The following CDH13 variants were observed in gnomAD, a reference collection of about 807,000 sequenced individuals.
CDH13 encodes cadherin-13.
A neutral mutation model predicts 63.8 loss-of-function variants in CDH13; 24 were observed. The ratio of observed to expected loss-of-function variants is 0.38; its 90% confidence interval spans 0.27 to 0.53. The LOEUF (loss-of-function observed/expected upper bound fraction) is 0.53. Among genes scored for constraint, CDH13 ranks in the 20% least tolerant of loss-of-function variants. The probability of loss-of-function intolerance (pLI) is 0.85; values close to 1 mark genes in which losing one functional copy is unlikely to be tolerated. For missense variants in CDH13, 1,049 were observed against 903.1 expected, an observed-to-expected ratio of 1.16 and a Z score of -2.07; for synonymous variants, 503 against 355.3, an observed-to-expected ratio of 1.42 and a Z score of -4.67.
At chr16:82,886,809 C>T (rs922833391) in intron 2 of CDH13, among the ~76,000 whole-genome samples, 2 of 152,104 alleles carry the variant, frequency 1.3e-5, no homozygotes, top group African/African-American at 2.4e-5. Flanking sequence ...CCAAGTGACT[C>T]GGAAGTTGCT....
intron 5 of CDH13, among the ~76,000 whole-genome samples, chr16:83,225,664 C>G (rs1286901741): frequency 3.9e-5 from 6 of 152,106 alleles, no homozygotes; most frequent in Admixed American, 3.9e-4. Flanking sequence ...CTTTGTTGCC[C>G]TTAGAATCAT....
intron 2 of CDH13, among the ~76,000 whole-genome samples, chr16:83,019,520 G>T (rs1915139654): frequency 6.9e-6 from 1 of 144,454 alleles, no homozygotes; most frequent in South Asian, 2.2e-4. Flanking sequence ...TTTTGAGACA[G>T]GGTCTCGCTC....
intron 7 of CDH13, among the ~76,000 whole-genome samples, chr16:83,487,017 G>T (rs1288183461): frequency 6.6e-6 from 1 of 152,124 alleles, no homozygotes; most frequent in East Asian, 1.9e-4. Context: ...GAGGAGAGGT[G>T]GCTTCATCCA....
At chr16:82,713,081 G>A (rs1297878511) in intron 1 of CDH13, among the ~76,000 whole-genome samples, 1 of 151,412 alleles carries the variant, frequency 6.6e-6, no homozygotes, top group Non-Finnish European at 1.5e-5. Context: ...GTGTGTTTAG[G>A]GAAGGCAAAG....
chr16:83,441,978 G>C lies in CDH13; in HGVS notation c.782-44499G>C, dbSNP rs910799779. ...TCTATAAGGAGGCTGGGATTGAGAG[G>C]GTTTGAATGATTTGGCCCAGGTCAC... On this transcript the variant is annotated intron_variant, in intron 6 of 13. Coordinates refer to ENST00000567109, the MANE Select transcript of CDH13 (RefSeq NM_001257.5). Among the ~76,000 whole-genome samples the C allele has an allele frequency of 7.2e-5, 11 of 152,126 alleles. No individual in the cohort carries two copies. The East Asian group carries it at 2.1e-3, about 29-fold the overall frequency.
chr16:83,084,787 C>T (rs528539234), intron 3 of CDH13, among the ~76,000 whole-genome samples: 1 of 152,316 alleles, frequency 6.6e-6, no homozygotes, highest in South Asian at 2.1e-4. Flanking sequence ...ACTCAGGAGG[C>T]TGAGGCAGGA....
intron 1 of CDH13, among the ~76,000 whole-genome samples, chr16:82,731,930 C>T (rs1213754689): frequency 1.3e-5 from 2 of 152,150 alleles, no homozygotes; most frequent in African/African-American, 4.8e-5. Flanking sequence ...TCTTTAGCTT[C>T]CAGGCCTTTG....
chr16:83,186,402 G>A (rs945405356), intron 4 of CDH13, among the ~76,000 whole-genome samples: 1 of 152,018 alleles, frequency 6.6e-6, no homozygotes, highest in African/African-American at 2.4e-5. Context: ...CTCCCAAAGT[G>A]CTGGGATTAC....
At chr16:83,057,525 A>G (rs2031071054) in intron 3 of CDH13, among the ~76,000 whole-genome samples, 1 of 151,986 alleles carries the variant, frequency 6.6e-6, no homozygotes, top group Non-Finnish European at 1.5e-5. Flanking sequence ...TTTCAAAAGT[A>G]GTAATTGGAT....
chr16:83,194,528 C>T (rs75223397), intron 4 of CDH13, among the ~76,000 whole-genome samples: 7,808 of 152,258 alleles, frequency 0.051, 291 homozygotes, highest in African/African-American at 0.11. Context: ...AGATATTTCT[C>T]ACCTCCCATT....
Position 83,190,870 on chromosome 16 carries a change from T to C in CDH13, c.484-26475T>C, listed in dbSNP as rs577115404. ...CCATCTTCTTATAATGGCTAATTGC[T>C]AAGCAATTGATTGAATCCTCTTTTG... On this transcript the variant is annotated intron_variant, in intron 4 of 13. Coordinates refer to ENST00000567109, the MANE Select transcript of CDH13 (RefSeq NM_001257.5). 6.2e-4 allele frequency among the ~76,000 whole-genome samples: 95 copies of C among 152,294 alleles called. 1 individual carries two copies. The highest frequency in any genetic ancestry group is 8.2e-4 in the Non-Finnish European group (56 of 68,026).
At position 83,288,894 on chromosome 16, in the gene CDH13, C is replaced by T. The variant is rs554324945; in HGVS notation, c.637-55968C>T. Among the ~76,000 whole-genome samples, 46 of 152,290 alleles carry T rather than the reference C, an allele frequency of 3.0e-4. No homozygotes were observed. In the South Asian group the frequency reaches 8.9e-3, roughly 30 times the overall value. On this transcript the variant is annotated intron_variant, in intron 5 of 13. Transcript: ENST00000567109. ...ACTGAAAAGACAGTGGTATTTGCATCCTTTTGAACATTCGCCTGGATTTGC... is the reference window on the plus strand; with the variant it reads ...ACTGAAAAGACAGTGGTATTTGCATTCTTTTGAACATTCGCCTGGATTTGC...
At chr16:83,399,682 C>G (rs114067074) in intron 6 of CDH13, among the ~76,000 whole-genome samples, 1 of 152,164 alleles carries the variant, frequency 6.6e-6, no homozygotes, top group Non-Finnish European at 1.5e-5. Context: ...CGCTGGGAAT[C>G]TTGCTTTTGG....
intron 6 of CDH13, among the ~76,000 whole-genome samples, chr16:83,468,673 C>G (rs1056972377): frequency 8.5e-5 from 13 of 152,190 alleles, no homozygotes; most frequent in African/African-American, 3.1e-4. Flanking sequence ...TCTGCCTCTC[C>G]CTTTCTGTCT....
At chr16:83,027,229 T>C (rs183885583) in intron 2 of CDH13, among the ~76,000 whole-genome samples, 2 of 151,800 alleles carry the variant, frequency 1.3e-5, no homozygotes, top group African/African-American at 4.8e-5. Context: ...ATGCTGTTCA[T>C]TGCTGAAGAT....
intron 6 of CDH13, among the ~76,000 whole-genome samples, chr16:83,443,724 AAAAAAAAAAAAATATATAT>A (rs1167049512): frequency 8.8e-5 from 5 of 56,666 alleles, no homozygotes; most frequent in African/African-American, 6.1e-4. Flanking sequence ...AAAAAAAAAA[AAAAAAAAAAAAATATATAT>A]ATATATATAT....
chr16:83,661,557 C>T (rs547466298), intron 8 of CDH13, among the ~76,000 whole-genome samples: 26 of 152,034 alleles, frequency 1.7e-4, no homozygotes, highest in African/African-American at 5.8e-4. Context: ...GTTTTCCTGT[C>T]AGTCTTCAGT....
intron 5 of CDH13, among the ~76,000 whole-genome samples, chr16:83,289,920 A>G (rs1041940480): frequency 1.3e-5 from 2 of 152,160 alleles, no homozygotes; most frequent in Non-Finnish European, 1.5e-5. Context: ...TCCCACCTCT[A>G]TAGCCAGCAC....
intron 3 of CDH13, among the ~76,000 whole-genome samples, chr16:83,092,194 A>G (rs1208243801): frequency 6.6e-6 from 1 of 152,214 alleles, no homozygotes; most frequent in Non-Finnish European, 1.5e-5. Context: ...GAAAATTTCA[A>G]AGAACTTATC....
Sources: gnomAD v4.1 joint callset for allele counts (sites outside exome capture counted in the v4.1 genomes callset) on GRCh38, gnomAD v4.1.1 for gene constraint, MANE v1.5 for transcripts, NCBI Gene and HGNC (gene_info 2026-07-23, HGNC 2026-07-21) for gene names.